TMEM135: variants seen among roughly 807,000 people sequenced by gnomAD.
TMEM135 encodes peroxisomal membrane protein 52.
TMEM135 carries 30 observed loss-of-function variants against 60.3 expected under a neutral mutation model. The observed-to-expected ratio is 0.50, with a 90% CI of 0.37 to 0.68. The LOEUF is 0.68. Ranked by LOEUF, TMEM135 falls within the 30% of genes least tolerant of loss-of-function variation. TMEM135 has a pLI of 0.00. For synonymous variants in TMEM135, 190 were observed against 186.7 expected (o/e 1.02, Z -0.14); for missense variants, 468 against 548.8 (o/e 0.85, Z 1.47).
chr11:87,255,396 C>T (rs1490121828), intron 6 of TMEM135, among the ~76,000 whole-genome samples: 1 of 152,146 alleles, frequency 6.6e-6, no homozygotes, highest in Non-Finnish European at 1.5e-5. Flanking sequence ...TGAAGCCAAA[C>T]AAGGTATCCA....
At chr11:87,152,577 T>G (rs1938584231) in intron 4 of TMEM135, among the ~76,000 whole-genome samples, 1 of 152,162 alleles carries the variant, frequency 6.6e-6, no homozygotes, top group African/African-American at 2.4e-5. Context: ...CAGCTGGGAT[T>G]ACAGGCATGT....
At chr11:87,047,281 A>G (rs1800172223) in intron 1 of TMEM135, among the ~76,000 whole-genome samples, 1 of 152,160 alleles carries the variant, frequency 6.6e-6, no homozygotes, top group Admixed American at 6.5e-5. Flanking sequence ...CAACAGCCAG[A>G]TTGTTAAAAA....
At chr11:87,215,621 C>T (rs1940483220) in intron 5 of TMEM135, among the ~76,000 whole-genome samples, 1 of 152,120 alleles carries the variant, frequency 6.6e-6, no homozygotes, top group Non-Finnish European at 1.5e-5. Flanking sequence ...CTACTTTTGC[C>T]ATATTCTGTT....
intron 11 of TMEM135, 53 bp downstream of exon 11, chr11:87,313,541 A>C: frequency 7.0e-7 from 1 of 1,428,936 alleles, no homozygotes; most frequent in Admixed American, 1.7e-5. Context: ...AGTGGTAGGA[A>C]TGAATTGGAA....
intron 4 of TMEM135, among the ~76,000 whole-genome samples, chr11:87,101,554 C>G (rs932339444): frequency 1.3e-5 from 2 of 152,142 alleles, no homozygotes; most frequent in African/African-American, 4.8e-5. Flanking sequence ...ACAGTATCTA[C>G]GTTTTAATTG....
chr11:87,086,208 A>G (rs1857092417), intron 3 of TMEM135, among the ~76,000 whole-genome samples: 1 of 152,044 alleles, frequency 6.6e-6, no homozygotes, highest in Non-Finnish European at 1.5e-5. Flanking sequence ...GTAATTCCAT[A>G]ATCATTTGTT....
At chr11:87,074,816 T>G (rs1856838273) in intron 3 of TMEM135, among the ~76,000 whole-genome samples, 1 of 152,208 alleles carries the variant, frequency 6.6e-6, no homozygotes, top group East Asian at 1.9e-4. Context: ...CACAAGACAA[T>G]TAGCAACCAT....
chr11:87,062,300 A>G, intron 1 of TMEM135, among the ~76,000 whole-genome samples: 1 of 147,390 alleles, frequency 6.8e-6, no homozygotes, highest in East Asian at 2.1e-4. Flanking sequence ...CACTGCATCT[A>G]GCCCCTTTTT....
At position 87,067,839 on chromosome 11, in the gene TMEM135, C is replaced by A; in HGVS notation, c.269+18C>A. 1 of 1,612,588 alleles carries A rather than the reference C, an allele frequency of 6.2e-7. No individual in the cohort carries two copies. Among genetic ancestry groups the A allele is most frequent in the Middle Eastern group, 1.7e-4 (1 of 6,046 alleles). ...ATTTTAAGGTTGGTACTCATAATCA[C>A]CATAGATACTAATATAGGTTCTTCT... On this transcript the variant is annotated intron_variant, in intron 2 of 14. Transcript: ENST00000305494.
At chr11:87,248,363 G>A (rs1217829567) in intron 6 of TMEM135, among the ~76,000 whole-genome samples, 1 of 152,158 alleles carries the variant, frequency 6.6e-6, no homozygotes, top group African/African-American at 2.4e-5. Flanking sequence ...CACAGCATTT[G>A]TTATTGCTTG....
intron 4 of TMEM135, among the ~76,000 whole-genome samples, chr11:87,104,512 G>C (rs1395637253): frequency 6.6e-6 from 1 of 152,072 alleles, no homozygotes. Context: ...TGAATCTATA[G>C]ATTGCTTTGG....
intron 5 of TMEM135, among the ~76,000 whole-genome samples, chr11:87,234,309 G>T (rs981517904): frequency 3.3e-5 from 5 of 151,970 alleles, no homozygotes; most frequent in African/African-American, 1.2e-4. Flanking sequence ...CTCTCACCTG[G>T]CTAGAAGATA....
intron 1 of TMEM135, among the ~76,000 whole-genome samples, chr11:87,047,029 T>C (rs1949802308): frequency 6.6e-6 from 1 of 152,150 alleles, no homozygotes; most frequent in Non-Finnish European, 1.5e-5. Context: ...CTTTTGTTAT[T>C]CCTCTGCCCA....
intron 5 of TMEM135, among the ~76,000 whole-genome samples, chr11:87,221,692 C>A (rs1940620146): frequency 6.6e-6 from 1 of 152,098 alleles, no homozygotes; most frequent in Non-Finnish European, 1.5e-5. Flanking sequence ...TTTCTTCTAT[C>A]ACTTTGGAAT....
At chr11:87,071,099 C>T (rs903769648) in intron 2 of TMEM135, among the ~76,000 whole-genome samples, 3 of 152,114 alleles carry the variant, frequency 2.0e-5, no homozygotes, top group African/African-American at 7.2e-5. Flanking sequence ...TGAATGTGGC[C>T]GGCTGTTACT....
intron 7 of TMEM135, among the ~76,000 whole-genome samples, chr11:87,296,558 G>GT (rs1469229091): frequency 5.9e-5 from 9 of 152,052 alleles, no homozygotes; most frequent in Admixed American, 5.9e-4. Flanking sequence ...CAGTAGTATG[G>GT]TTTTTACTGC....
chr11:87,134,317 G>A (rs533020747), intron 4 of TMEM135, among the ~76,000 whole-genome samples: 2 of 152,206 alleles, frequency 1.3e-5, no homozygotes, highest in East Asian at 1.9e-4. Flanking sequence ...AAAGGAGCTC[G>A]TTTTAACTTA....
At chr11:87,200,000 CTT>C (rs1399640729) in intron 5 of TMEM135, among the ~76,000 whole-genome samples, 4 of 152,128 alleles carry the variant, frequency 2.6e-5, no homozygotes, top group African/African-American at 7.2e-5. Context: ...ACCTCTGAAT[CTT>C]TTAGCACTGT....
chr11:87,179,111 C>T (rs1037205321), intron 5 of TMEM135, among the ~76,000 whole-genome samples: 1 of 152,120 alleles, frequency 6.6e-6, no homozygotes, highest in East Asian at 1.9e-4. Flanking sequence ...TTTTCATTTC[C>T]CTAATGACTA....
Sources: gnomAD v4.1 joint callset for allele counts (sites outside exome capture counted in the v4.1 genomes callset) on GRCh38, gnomAD v4.1.1 for gene constraint, MANE v1.5 for transcripts, NCBI Gene and HGNC (gene_info 2026-07-23, HGNC 2026-07-21) for gene names.